The following SGCD variants were observed in gnomAD, a reference collection of about 807,000 sequenced individuals.
SGCD encodes the protein sarcoglycan delta, also known as delta-sarcoglycan.
Under a neutral mutation model 36.6 loss-of-function variants are expected in SGCD, and 18 were observed. That is an observed-to-expected ratio of 0.49 (90% CI 0.34 to 0.73). The LOEUF is 0.73. SGCD is among the 30% of genes least tolerant of loss of function. SGCD has a pLI of 0.01. For synonymous variants in SGCD, 133 were observed against 130.6 expected, an observed-to-expected ratio of 1.02 and a Z score of -0.12; for missense variants, 387 against 346.7, an observed-to-expected ratio of 1.12 and a Z score of -0.92.
At chr5:156,231,886 C>G (rs943079823) in intron 3 of SGCD, among the ~76,000 whole-genome samples, 6 of 152,186 alleles carry the variant, frequency 3.9e-5, no homozygotes, top group Admixed American at 3.9e-4. Flanking sequence ...ATCTCCCTAC[C>G]TGGACTTCCT....
At chr5:156,546,869 T>C (rs1758595548) in intron 4 of SGCD, among the ~76,000 whole-genome samples, 1 of 152,072 alleles carries the variant, frequency 6.6e-6, no homozygotes, top group Non-Finnish European at 1.5e-5. Flanking sequence ...GAGAGGGAGC[T>C]TAGAGGTAAA....
intron 3 of SGCD, among the ~76,000 whole-genome samples, chr5:156,356,504 C>A (rs182505066): frequency 4.6e-5 from 7 of 152,262 alleles, no homozygotes; most frequent in African/African-American, 1.4e-4. Context: ...TTGTTATGAA[C>A]CAGACTCAGA....
chr5:156,452,660 A>G (rs968292504), intron 3 of SGCD, among the ~76,000 whole-genome samples: 1 of 152,182 alleles, frequency 6.6e-6, no homozygotes, highest in Non-Finnish European at 1.5e-5. Context: ...TTTCTTTCCT[A>G]ACATTTATTT....
chr5:156,566,567 A>G (rs1759486550), intron 4 of SGCD, among the ~76,000 whole-genome samples: 1 of 152,188 alleles, frequency 6.6e-6, no homozygotes, highest in African/African-American at 2.4e-5. Flanking sequence ...GATTTAAGGT[A>G]TAACTGTGTC....
At chr5:155,741,457 C>T in the SGCD span, among the ~76,000 whole-genome samples, 2 of 152,036 alleles carry the variant, frequency 1.3e-5, no homozygotes, top group African/African-American at 4.8e-5. Flanking sequence ...CTTTTTCTTT[C>T]AGGGCCTACT....
chr5:156,026,561 T>C (rs566649851), intron 1 of SGCD, among the ~76,000 whole-genome samples: 2 of 152,358 alleles, frequency 1.3e-5, no homozygotes, highest in East Asian at 3.9e-4. Flanking sequence ...ATGAAAGCAT[T>C]GTTTGAGCCC....
chr5:156,732,892 G>T (rs1756152478), intron 7 of SGCD, among the ~76,000 whole-genome samples: 1 of 152,012 alleles, frequency 6.6e-6, no homozygotes, highest in African/African-American at 2.4e-5. Flanking sequence ...TTCTGTGATG[G>T]TTGTATTTCT....
chr5:156,177,236 G>A (rs544079346), intron 3 of SGCD, among the ~76,000 whole-genome samples: 2 of 152,172 alleles, frequency 1.3e-5, no homozygotes, highest in East Asian at 1.9e-4. Flanking sequence ...TCTTGACCTC[G>A]TGATCCACTC....
intron 3 of SGCD, among the ~76,000 whole-genome samples, chr5:156,364,245 T>G (rs1409127049): frequency 2.0e-5 from 3 of 152,150 alleles, no homozygotes; most frequent in South Asian, 4.1e-4. Context: ...ATATATGAAT[T>G]TGGAATCTGT....
At chr5:156,517,914 T>C (rs887063196) in intron 4 of SGCD, among the ~76,000 whole-genome samples, 1 of 152,170 alleles carries the variant, frequency 6.6e-6, no homozygotes, top group Non-Finnish European at 1.5e-5. Flanking sequence ...CCAATGGCAT[T>C]ATGAAGCAAC....
At chr5:155,782,705 T>C in the SGCD span, among the ~76,000 whole-genome samples, 20 of 152,180 alleles carry the variant, frequency 1.3e-4, no homozygotes, top group Admixed American at 1.3e-3. Context: ...CTGCCTGAGC[T>C]CTGCCTCTTG....
intron 5 of SGCD, among the ~76,000 whole-genome samples, chr5:156,591,018 A>AT (rs2113375288): frequency 6.6e-6 from 1 of 151,628 alleles, no homozygotes; most frequent in East Asian, 1.9e-4. Context: ...TAGAGAAGAC[A>AT]TTAGATATGT....
intron 3 of SGCD, among the ~76,000 whole-genome samples, chr5:156,211,222 G>T (rs555089650): frequency 6.6e-6 from 1 of 152,052 alleles, no homozygotes; most frequent in Non-Finnish European, 1.5e-5. Flanking sequence ...TTTTAGAAAT[G>T]AAGGAGAGAG....
At chr5:155,769,227 T>C in the SGCD span, among the ~76,000 whole-genome samples, 1 of 152,108 alleles carries the variant, frequency 6.6e-6, no homozygotes, top group Admixed American at 6.6e-5. Flanking sequence ...ACTCTATGCA[T>C]ACAAAGTATG....
chr5:156,002,324 G>A (rs993140822), intron 1 of SGCD, among the ~76,000 whole-genome samples: 1 of 152,164 alleles, frequency 6.6e-6, no homozygotes, highest in Non-Finnish European at 1.5e-5. Context: ...AGAGAAGCCG[G>A]CCCTACCTAC....
At chr5:155,740,994 G>A in the SGCD span, among the ~76,000 whole-genome samples, 1 of 152,156 alleles carries the variant, frequency 6.6e-6, no homozygotes, top group East Asian at 1.9e-4. Context: ...ATATATTTTA[G>A]TGGGACAGAA....
Position 156,091,615 on chromosome 5 carries a change from A to G in SGCD, c.-281-26263A>G, listed in dbSNP as rs572938066. On this transcript the variant is annotated intron_variant, in intron 1 of 9. Coordinates refer to the SGCD transcript ENST00000517913. ...CCAGCCTCCTGGAATAGACTGCACT[A>G]AAGATTTCCAAACAGTCATGCTATC... Among the ~76,000 whole-genome samples, 3 of 152,350 alleles carry G rather than the reference A, an allele frequency of 2.0e-5. No individual in the cohort carries two copies. The South Asian group carries it at 6.2e-4, about 32-fold the overall frequency.
chr5:156,032,642 C>T (rs982594950), intron 1 of SGCD, among the ~76,000 whole-genome samples: 4 of 124,062 alleles, frequency 3.2e-5, no homozygotes, highest in African/African-American at 6.2e-5. Context: ...GGCATGAACC[C>T]GGGAGGTGGA....
chr5:156,332,078 T>A (rs893300209), intron 2 of SGCD, among the ~76,000 whole-genome samples: 3 of 152,194 alleles, frequency 2.0e-5, no homozygotes, highest in Non-Finnish European at 4.4e-5. Context: ...ATATTGGTAA[T>A]AGGCCAGTGT....
Sources: gnomAD v4.1 joint callset for allele counts (sites outside exome capture counted in the v4.1 genomes callset) on GRCh38, gnomAD v4.1.1 for gene constraint, MANE v1.5 for transcripts, NCBI Gene and HGNC (gene_info 2026-07-23, HGNC 2026-07-21) for gene names.